Variants in OR6C2 observed in about 807,000 individuals in gnomAD.
OR6C2 encodes olfactory receptor family 6 subfamily C member 2, also known as olfactory receptor 6C2.
For missense variants in OR6C2, 435 were observed against 365.8 expected, an observed-to-expected ratio of 1.19 and a Z score of -1.54; for synonymous variants, 146 against 134.2, an observed-to-expected ratio of 1.09 and a Z score of -0.61.
chr12:55,446,120 C>T (rs867769500), intron 1 of OR6C2, among the ~76,000 whole-genome samples: 8 of 116,678 alleles, frequency 6.9e-5, no homozygotes, highest in South Asian at 3.0e-4. Flanking sequence ...TCCTTCTTTC[C>T]TTCTTTCCTT....
At position 55,453,226 on chromosome 12, in the gene OR6C2, C is replaced by A; in HGVS notation, c.*74C>A. On this transcript the variant is annotated 3_prime_UTR_variant, in exon 2 of 2. Transcript: ENST00000641202. ...TCATCCTACAGCTTTTAACTTATTTCATTGCTTCCTGACTACAGTTTAGTC... is the reference window on the plus strand; with the variant it reads ...TCATCCTACAGCTTTTAACTTATTTAATTGCTTCCTGACTACAGTTTAGTC... 9.6e-7 allele frequency: 1 copy of A among 1,040,418 alleles called. No individual in the cohort carries two copies. The highest frequency in any genetic ancestry group is 1.4e-6 in the Non-Finnish European group (1 of 708,636). 64.4% of individuals were successfully genotyped at this position (1,040,418 alleles called of 1,614,324 possible).
chr12:55,449,310 A>G (rs1871424399), intron 1 of OR6C2, among the ~76,000 whole-genome samples: 1 of 152,002 alleles, frequency 6.6e-6, no homozygotes, highest in African/African-American at 2.4e-5. Context: ...AACTTTTAAA[A>G]CTCTGCTTTT....
chr12:55,452,706 G>T lies in OR6C2; in HGVS notation c.493G>T (p.Glu165Ter), dbSNP rs140332483. ...ACCACTTAGCTTAGGCCTCCAGCTC[G>T]AATTCTGTGACTCCAATGCCATTGA... ...VPPLSLGLQL[E>*]FCDSNAIDHF... The change falls in exon 2 of 2, where the codon GAA becomes TAA. Residue 165 changes from glutamate to a stop codon, truncating the protein, a stop_gained. Coordinates refer to ENST00000641202, the MANE Select transcript of OR6C2 (RefSeq NM_054105.2). LOFTEE classifies it low-confidence loss of function (END_TRUNC). The T allele has an allele frequency of 3.1e-6, 5 of 1,613,752 alleles. No individual in the cohort carries two copies. The East Asian group carries it at 6.7e-5, about 22-fold the overall frequency.
intron 1 of OR6C2, among the ~76,000 whole-genome samples, chr12:55,446,143 C>CCTTT (rs63176660): frequency 1.3e-4 from 20 of 150,450 alleles, no homozygotes; most frequent in African/African-American, 2.0e-4. Context: ...TTCCTTCCTT[C>CCTTT]CTTTCTTTCT....
In OR6C2 at chr12:55,453,205, C is replaced by A. The variant is rs1871528122; in HGVS notation, c.*53C>A. 7.6e-7 allele frequency: 1 copy of A among 1,307,970 alleles called. No individual in the cohort carries two copies. Among genetic ancestry groups the A allele is most frequent in the Non-Finnish European group, 1.1e-6 (1 of 932,714 alleles). 81.0% of individuals were successfully genotyped at this position (1,307,970 alleles called of 1,614,324 possible). A position where few individuals can be genotyped will look rare whatever the true frequency, so the allele number is the denominator to read the frequency against. Reference sequence around the variant, plus strand: ...ATGAAGAAGGCTCCCTAAATGTCATCCTACAGCTTTTAACTTATTTCATTG... The same window carrying A: ...ATGAAGAAGGCTCCCTAAATGTCATACTACAGCTTTTAACTTATTTCATTG... On this transcript the variant is annotated 3_prime_UTR_variant, in exon 2 of 2. Transcript: ENST00000641202.
At chr12:55,445,663 G>C (rs1005630297) in intron 1 of OR6C2, among the ~76,000 whole-genome samples, 1 of 152,112 alleles carries the variant, frequency 6.6e-6, no homozygotes, top group African/African-American at 2.4e-5. Flanking sequence ...GAGATGACAT[G>C]AACAAAATAA....
chr12:55,449,627 G>A (rs1415302914), intron 1 of OR6C2, among the ~76,000 whole-genome samples: 2 of 151,708 alleles, frequency 1.3e-5, no homozygotes, highest in Non-Finnish European at 2.9e-5. Flanking sequence ...TAGACACATA[G>A]TAGGTGGTTT....
At position 55,452,502 on chromosome 12, in the gene OR6C2, A is replaced by C; in HGVS notation, c.289A>C (p.Ser97Arg). ...DNTITYNACA[S>R]QIFFVILFGA... ...TACCATTACCTACAATGCTTGTGCC[A>C]GTCAAATATTCTTTGTTATTCTCTT... Residue 97 changes from serine (S) to arginine (R), a missense_variant, in exon 2 of 2, where the codon AGT becomes CGT. Physicochemically the swap from Ser to Arg is moderately radical, Grantham distance 110 (BLOSUM62 -1). Coordinates refer to ENST00000641202, the MANE Select transcript of OR6C2 (RefSeq NM_054105.2). 6.2e-7 allele frequency: 1 copy of C among 1,613,964 alleles called. No homozygotes were observed. The highest frequency in any genetic ancestry group is 8.5e-7 in the Non-Finnish European group (1 of 1,179,868).
In OR6C2 at chr12:55,453,194, C is replaced by T; in HGVS notation, c.*42C>T. The stretch of plus-strand genomic sequence containing the variant: ...GCATAAAGTGAATGAAGAAGGCTCC[C>T]TAAATGTCATCCTACAGCTTTTAAC... On this transcript the variant is annotated 3_prime_UTR_variant, in exon 2 of 2. Coordinates refer to ENST00000641202, the MANE Select transcript of OR6C2 (RefSeq NM_054105.2). The T allele has an allele frequency of 7.1e-7, 1 of 1,415,322 alleles. No individual in the cohort carries two copies. The highest frequency in any genetic ancestry group is 1.2e-5 in the South Asian group (1 of 80,750). The allele number at this position is 1,415,322 out of a possible 1,614,324, so 87.7% of individuals were successfully genotyped here. A position where few individuals can be genotyped will look rare whatever the true frequency, so the allele number is the denominator to read the frequency against.
chr12:55,444,931 T>G (rs1217557704), intron 1 of OR6C2, among the ~76,000 whole-genome samples: 1 of 152,124 alleles, frequency 6.6e-6, no homozygotes, highest in African/African-American at 2.4e-5. Flanking sequence ...AAGTCAAAAA[T>G]GGTATTTGCA....
At chr12:55,448,345 T>C (rs1277797669) in intron 1 of OR6C2, among the ~76,000 whole-genome samples, 2 of 151,528 alleles carry the variant, frequency 1.3e-5, no homozygotes, top group African/African-American at 2.4e-5. Flanking sequence ...TATCTGTTCA[T>C]TTTGAAAATA....
rs1320752718 is a variant in OR6C2, at chr12:55,452,321, T to A, written c.108T>A (p.Ser36Arg). ...FIFLFLTYML[S>R]VTGNLTIITL... is the part of the protein sequence containing the mutation. ...TTCTATTTCTCACCTACATGTTGAGTGTAACAGGGAACCTGACTATTATCA... is the reference window on the plus strand; with the variant it reads ...TTCTATTTCTCACCTACATGTTGAGAGTAACAGGGAACCTGACTATTATCA... Residue 36 changes from serine (S) to arginine (R), a missense_variant, in exon 2 of 2, where the codon AGT (serine) becomes AGA (arginine). Physicochemically the swap from Ser to Arg is moderately radical, Grantham distance 110. Transcript: ENST00000641202. 6.2e-7 allele frequency: 1 copy of A among 1,613,310 alleles called. No homozygotes were observed. Among genetic ancestry groups the A allele is most frequent in the Admixed American group, 1.7e-5 (1 of 59,930 alleles).
Position 55,453,132 on chromosome 12 carries a change from G to T in OR6C2, c.919G>T (p.Ala307Ser), listed in dbSNP as rs780664629. The change falls in exon 2 of 2, where the codon GCA becomes TCA. Residue 307 changes from alanine (A) to serine (S), a missense_variant. Ala to Ser is a moderately conservative substitution (Grantham distance 99, BLOSUM62 1). Transcript: ENST00000641202. The part of the protein sequence containing the change: ...QAFSDSIKRI[A>S]FLSKK The stretch of plus-strand genomic sequence containing the variant: ...TTTCAGTGACTCTATAAAGAGGATT[G>T]CATTTCTCTCAAAGAAGTAGAAGCT... 6.2e-6 allele frequency: 10 copies of T among 1,611,494 alleles called. 1 individual carries two copies. The highest frequency in any genetic ancestry group is 1.7e-5 in the Admixed American group (1 of 59,640).
intron 1 of OR6C2, among the ~76,000 whole-genome samples, chr12:55,448,660 G>GAAAGAAAAAAAAAAAGAAAGA (rs1871412337): frequency 0.017 from 1,343 of 77,712 alleles, 21 homozygotes; most frequent in African/African-American, 0.062. Context: ...AAAAAAAAAA[G>GAAAGAAAAAAAAAAAGAAAGA]AAAGAAAAGA....
rs370057139 is a variant in OR6C2, at chr12:55,452,577, G to A, written c.364G>A (p.Val122Met). ...LLAAMSYDRY[V>M]AICKPLHYVV... Reference sequence around the variant, plus strand: ...GGCAGCCATGTCCTATGACCGCTATGTGGCCATCTGTAAACCCCTTCATTA... The same window carrying A: ...GGCAGCCATGTCCTATGACCGCTATATGGCCATCTGTAAACCCCTTCATTA... The change falls in exon 2 of 2, where the codon GTG becomes ATG. Residue 122 changes from valine to methionine, a missense_variant. By Grantham distance (21) the Val-to-Met change is conservative (BLOSUM62 1). Coordinates refer to ENST00000641202, the MANE Select transcript of OR6C2 (RefSeq NM_054105.2). 6.9e-5 allele frequency: 112 copies of A among 1,613,756 alleles called. No homozygotes were observed. The highest frequency in any genetic ancestry group is 9.1e-5 in the Non-Finnish European group (107 of 1,179,870).
intron 1 of OR6C2, among the ~76,000 whole-genome samples, chr12:55,449,204 G>A (rs891984040): frequency 1.3e-5 from 2 of 151,900 alleles, no homozygotes; most frequent in African/African-American, 2.4e-5. Flanking sequence ...CATAAGCATA[G>A]CAGCAATTCT....
intron 1 of OR6C2, among the ~76,000 whole-genome samples, chr12:55,449,645 T>A (rs981444289): frequency 2.0e-5 from 3 of 151,358 alleles, no homozygotes; most frequent in Admixed American, 6.6e-5. Context: ...TTTTGGCCTT[T>A]AAAAAAAGAG....
At position 55,452,142 on chromosome 12, in the gene OR6C2, A is replaced by G. The variant is rs1483724258; in HGVS notation, c.-72A>G. ...TTCTAGATGCATATCCTTTTGCTAT[A>G]GAATTCAAATATCTACCCCCTCATA... On this transcript the variant is annotated 5_prime_UTR_variant, in exon 2 of 2. It adds an upstream start codon to the 5' untranslated region. Transcript: ENST00000641202. 3 of 950,076 alleles carry G rather than the reference A, an allele frequency of 3.2e-6. No individual in the cohort carries two copies. Among genetic ancestry groups the G allele is most frequent in the Non-Finnish European group, 4.8e-6 (3 of 629,908 alleles). The allele number at this position is 950,076 out of a possible 1,614,324, so 58.9% of individuals were successfully genotyped here.
intron 1 of OR6C2, among the ~76,000 whole-genome samples, chr12:55,447,383 C>T (rs369213888): frequency 2.6e-5 from 4 of 151,270 alleles, no homozygotes; most frequent in African/African-American, 9.7e-5. Flanking sequence ...CTTTCCAGTG[C>T]ACAATAAGGT....
Sources: allele counts gnomAD v4.1 joint callset (sites outside exome capture counted in the v4.1 genomes callset), GRCh38; gene constraint gnomAD v4.1.1; transcripts MANE v1.5; gene names NCBI Gene and HGNC (gene_info 2026-07-23, HGNC 2026-07-21).